The following DPH6 variants were observed in gnomAD, a reference collection of about 807,000 sequenced individuals.
DPH6 encodes diphthine--ammonia ligase.
DPH6 carries 33 observed loss-of-function variants against 38.2 expected under a neutral mutation model. The observed-to-expected ratio is 0.86, with a 90% CI of 0.65 to 1.15. The LOEUF (loss-of-function observed/expected upper bound fraction) is 1.15, where lower values mean the gene tolerates loss of function less well. Among genes scored for constraint, DPH6 ranks in the 50% most tolerant of loss-of-function variants. The pLI is 0.00. For missense variants in DPH6, 325 were observed against 320.0 expected (o/e 1.02, Z -0.12); for synonymous variants, 108 against 103.0 (o/e 1.05, Z -0.30).
rs955679700 is a variant in DPH6 at position 35,494,794 on chromosome 15, T to TA, written c.313-39975dup. Among the ~76,000 whole-genome samples the TA allele has an allele frequency of 1.7e-3, 261 of 151,178 alleles. 2 individuals carry two copies. Among genetic ancestry groups the TA allele is most frequent in the African/African-American group, 5.7e-3 (234 of 41,276 alleles). ...CAAAGTCCACTCATGATTTTTTTTTTAAAAAAAAACTTGCTTAACAAATGA... is the reference window on the plus strand; with the variant it reads ...CAAAGTCCACTCATGATTTTTTTTTTAAAAAAAAAACTTGCTTAACAAATGA... On this transcript the variant is annotated intron_variant, in intron 3 of 8. Transcript: ENST00000256538.
intron 6 of DPH6, among the ~76,000 whole-genome samples, chr15:35,393,150 G>A (rs1566893370): frequency 1.3e-5 from 2 of 152,206 alleles, no homozygotes; most frequent in Admixed American, 6.5e-5. Flanking sequence ...GGGCCTGGAT[G>A]TAAGTCTAGA....
intron 3 of DPH6, among the ~76,000 whole-genome samples, chr15:35,286,784 A>G (rs1375692968): frequency 6.6e-6 from 1 of 152,120 alleles, no homozygotes; most frequent in African/African-American, 2.4e-5. Flanking sequence ...TCTTTTTTAA[A>G]TTATCTATCA....
At chr15:35,245,581 T>G (rs2051632370) in intron 3 of DPH6, among the ~76,000 whole-genome samples, 1 of 152,154 alleles carries the variant, frequency 6.6e-6, no homozygotes, top group Non-Finnish European at 1.5e-5. Context: ...TTAGTTTATA[T>G]TGGTTAGCTT....
the DPH6 span, among the ~76,000 whole-genome samples, chr15:35,205,138 A>G: frequency 6.6e-6 from 1 of 152,156 alleles, no homozygotes; most frequent in Non-Finnish European, 1.5e-5. Flanking sequence ...TATATTACTT[A>G]GAGTTTGATT....
chr15:35,274,893 T>C (rs1431430261), intron 3 of DPH6, among the ~76,000 whole-genome samples: 1 of 151,884 alleles, frequency 6.6e-6, no homozygotes, highest in Admixed American at 6.6e-5. Flanking sequence ...CATTATTGGG[T>C]ATATACCCAA....
chr15:35,498,928 C>T (rs2054590535), intron 3 of DPH6, among the ~76,000 whole-genome samples: 1 of 133,858 alleles, frequency 7.5e-6, no homozygotes, highest in Admixed American at 8.0e-5. Context: ...AGCAACACAG[C>T]AAGGCCTCAT....
downstream of DPH6, among the ~76,000 whole-genome samples, chr15:35,370,503 A>C (rs550168738): frequency 2.0e-5 from 3 of 151,670 alleles, no homozygotes; most frequent in Non-Finnish European, 4.4e-5. Flanking sequence ...TAAGACAAAA[A>C]CCCCAATTAA....
At chr15:35,221,223 T>G (rs961364501) in intron 3 of DPH6, among the ~76,000 whole-genome samples, 2 of 152,232 alleles carry the variant, frequency 1.3e-5, no homozygotes, top group Non-Finnish European at 2.9e-5. Flanking sequence ...ATGGCTTTGC[T>G]GGGCTCTGCT....
chr15:35,227,481 C>A (rs985492131), intron 3 of DPH6, among the ~76,000 whole-genome samples: 1 of 151,868 alleles, frequency 6.6e-6, no homozygotes, highest in Non-Finnish European at 1.5e-5. Flanking sequence ...CCGTGCCTGG[C>A]CTAACATCTT....
chr15:35,360,572 G>A (rs2052605295), intron 3 of DPH6, among the ~76,000 whole-genome samples: 1 of 152,076 alleles, frequency 6.6e-6, no homozygotes, highest in Non-Finnish European at 1.5e-5. Context: ...GTCTTTTGAA[G>A]GTAACATATG....
chr15:35,375,860 T>C (rs903171384), intron 7 of DPH6, among the ~76,000 whole-genome samples: 2 of 152,082 alleles, frequency 1.3e-5, no homozygotes, highest in Non-Finnish European at 2.9e-5. Context: ...GACTCAGCCA[T>C]GGTCTTTGTC....
rs926332025 is a variant in DPH6 at position 35,371,499 on chromosome 15, C to T, written c.*651G>A. On this transcript the variant is annotated 3_prime_UTR_variant, in exon 9 of 9. Transcript: ENST00000256538. ...CTCTGCATTTTCTGCTCCATTTTTG[C>T]TGTGAACCTAAAACTGTTCTAAAAC... 1 of 844,982 alleles carries T rather than the reference C, an allele frequency of 1.2e-6. No homozygotes were observed. The highest frequency in any genetic ancestry group is 1.4e-6 in the Non-Finnish European group (1 of 702,186). The allele number at this position is 844,982 out of a possible 1,614,324, so 52.3% of individuals were successfully genotyped here. A position where few individuals can be genotyped will look rare whatever the true frequency, so the allele number is the denominator to read the frequency against.
intron 3 of DPH6, chr15:35,521,542 A>G (rs940267503): frequency 1.6e-6 from 2 of 1,223,556 alleles, no homozygotes; most frequent in African/African-American, 3.1e-5. Context: ...ATTTTGAAGA[A>G]ATCTAAGAGA....
intron 3 of DPH6, among the ~76,000 whole-genome samples, chr15:35,507,836 TA>T (rs1167822752): frequency 3.9e-5 from 6 of 151,988 alleles, no homozygotes; most frequent in Admixed American, 3.9e-4. Context: ...CATGCAAAGA[TA>T]AAAATTATAT....
At chr15:35,444,145 T>C (rs1468778948) in intron 5 of DPH6, among the ~76,000 whole-genome samples, 2 of 152,334 alleles carry the variant, frequency 1.3e-5, no homozygotes, top group South Asian at 2.1e-4. Context: ...TAAATGCACA[T>C]TCATAGTCAC....
chr15:35,428,758 C>G (rs915599162), intron 5 of DPH6, among the ~76,000 whole-genome samples: 2 of 152,042 alleles, frequency 1.3e-5, no homozygotes, highest in Non-Finnish European at 2.9e-5. Flanking sequence ...AACCTGCTGC[C>G]TTTACTTCAG....
chr15:35,407,593 T>C (rs1481029588), intron 6 of DPH6, among the ~76,000 whole-genome samples: 2 of 152,018 alleles, frequency 1.3e-5, no homozygotes, highest in African/African-American at 4.8e-5. Flanking sequence ...TTTGCAGAGA[T>C]CTGCTTTAGC....
intron 3 of DPH6, among the ~76,000 whole-genome samples, chr15:35,289,489 G>T (rs1451766854): frequency 6.6e-6 from 1 of 152,076 alleles, no homozygotes; most frequent in East Asian, 1.9e-4. Context: ...GGTAGAACTT[G>T]CATGCTTAAA....
At chr15:35,452,356 T>A (rs2053946362) in intron 4 of DPH6, among the ~76,000 whole-genome samples, 1 of 152,188 alleles carries the variant, frequency 6.6e-6, no homozygotes, top group Admixed American at 6.5e-5. Context: ...AGTCATACAC[T>A]AACTGGCTGA....
Sources: gnomAD v4.1 joint callset for allele counts (sites outside exome capture counted in the v4.1 genomes callset) on GRCh38, gnomAD v4.1.1 for gene constraint, MANE v1.5 for transcripts, NCBI Gene and HGNC (gene_info 2026-07-23, HGNC 2026-07-21) for gene names.